The following KHDRBS2 variants were observed in gnomAD, a reference collection of about 807,000 sequenced individuals.
KHDRBS2 encodes KH RNA binding domain containing, signal transduction associated 2, also known as KH domain-containing, RNA-binding, signal transduction-associated protein 2.
A neutral mutation model predicts 44.3 loss-of-function variants in KHDRBS2; 26 were observed. That is an observed-to-expected ratio of 0.59 (90% CI 0.43 to 0.81). The LOEUF (loss-of-function observed/expected upper bound fraction) is 0.81, where lower values mean the gene tolerates loss of function less well. Among genes scored for constraint, KHDRBS2 ranks in the 40% least tolerant of loss-of-function variants. The pLI, the probability that KHDRBS2 is intolerant of heterozygous loss-of-function variation, is 0.00. For synonymous variants in KHDRBS2, 194 were observed against 151.1 expected (o/e 1.28, Z -2.08); for missense variants, 476 against 433.1 (o/e 1.10, Z -0.88).
At chr6:62,079,676 T>C (rs1294034533) in intron 2 of KHDRBS2, among the ~76,000 whole-genome samples, 2 of 151,994 alleles carry the variant, frequency 1.3e-5, no homozygotes, top group Non-Finnish European at 1.5e-5. Flanking sequence ...ACTTTGAAAA[T>C]ACAGAATTAT....
the KHDRBS2 span, among the ~76,000 whole-genome samples, chr6:61,559,801 A>ATTGGTTCATCT: frequency 2.6e-5 from 4 of 151,934 alleles, no homozygotes; most frequent in African/African-American, 9.7e-5. Flanking sequence ...TATTTTTTTG[A>ATTGGTTCATCT]TTGGTTCATC....
the KHDRBS2 span, among the ~76,000 whole-genome samples, chr6:61,647,372 A>G: frequency 6.6e-6 from 1 of 152,108 alleles, no homozygotes; most frequent in East Asian, 1.9e-4. Flanking sequence ...TCAAAAACAG[A>G]TATCGACAAG....
intron 1 of KHDRBS2, among the ~76,000 whole-genome samples, chr6:62,181,526 T>C (rs1339079061): frequency 1.3e-5 from 2 of 151,926 alleles, no homozygotes; most frequent in African/African-American, 4.8e-5. Flanking sequence ...ATGGCTATTA[T>C]TGAAAAAAGA....
At chr6:62,035,930 C>T (rs543597745) in intron 3 of KHDRBS2, among the ~76,000 whole-genome samples, 1 of 152,078 alleles carries the variant, frequency 6.6e-6, no homozygotes, top group African/African-American at 2.4e-5. Flanking sequence ...GACAAAAATT[C>T]TTCATTAGAT....
intron 1 of KHDRBS2, among the ~76,000 whole-genome samples, chr6:62,241,786 T>C (rs1338166305): frequency 2.0e-5 from 3 of 148,630 alleles, no homozygotes; most frequent in African/African-American, 7.9e-5. Context: ...ATCATAATTA[T>C]CCAGGATTCA....
chr6:61,985,216 A>G (rs1385619086), intron 3 of KHDRBS2, among the ~76,000 whole-genome samples: 1 of 152,172 alleles, frequency 6.6e-6, no homozygotes, highest in Non-Finnish European at 1.5e-5. Flanking sequence ...GAAAGGTCCT[A>G]AAGACTGGAA....
At chr6:62,243,451 C>A (rs1248648988) in intron 1 of KHDRBS2, among the ~76,000 whole-genome samples, 2 of 152,040 alleles carry the variant, frequency 1.3e-5, no homozygotes, top group Non-Finnish European at 2.9e-5. Context: ...AAAATGATCA[C>A]ACTGCTAGTC....
chr6:61,642,660 C>A, the KHDRBS2 span, among the ~76,000 whole-genome samples: 16 of 134,818 alleles, frequency 1.2e-4, no homozygotes, highest in East Asian at 2.2e-4. Context: ...GACTCCACAT[C>A]AAAAAAAAAA....
intron 2 of KHDRBS2, among the ~76,000 whole-genome samples, chr6:62,141,693 A>G (rs1160898276): frequency 1.3e-5 from 2 of 152,016 alleles, no homozygotes; most frequent in African/African-American, 4.8e-5. Context: ...TATATAGTAA[A>G]CATTTCTTCT....
At chr6:61,727,780 C>T (rs1773812828) in intron 7 of KHDRBS2, among the ~76,000 whole-genome samples, 3 of 151,452 alleles carry the variant, frequency 2.0e-5, no homozygotes, top group Admixed American at 2.0e-4. Flanking sequence ...AAAAAACATG[C>T]TCGTGAAGTT....
chr6:62,162,315 C>G (rs209009), intron 2 of KHDRBS2, among the ~76,000 whole-genome samples: 26,219 of 151,938 alleles, frequency 0.17, 2,579 homozygotes, highest in African/African-American at 0.27. Flanking sequence ...GGGAATGTGT[C>G]AATGTATTAC....
At chr6:61,826,420 C>G (rs1790867508) in intron 6 of KHDRBS2, among the ~76,000 whole-genome samples, 1 of 152,068 alleles carries the variant, frequency 6.6e-6, no homozygotes, top group South Asian at 2.1e-4. Flanking sequence ...ACAGTGGCTC[C>G]TGTCTGATAG....
intron 3 of KHDRBS2, among the ~76,000 whole-genome samples, chr6:61,979,398 T>A (rs901216418): frequency 6.6e-5 from 10 of 152,260 alleles, no homozygotes; most frequent in African/African-American, 2.4e-4. Context: ...ATGTAGAGAT[T>A]AGAGACATGA....
chr6:62,259,143 T>C (rs757769258), intron 1 of KHDRBS2, among the ~76,000 whole-genome samples: 12 of 152,036 alleles, frequency 7.9e-5, no homozygotes, highest in Non-Finnish European at 1.6e-4. Flanking sequence ...TTGTTTTTAA[T>C]AATATTTTTC....
rs143629971 is a variant in KHDRBS2 at position 61,863,111 on chromosome 6, C to T, written c.810+31524G>A. On this transcript the variant is annotated intron_variant, in intron 6 of 8. Coordinates refer to ENST00000281156, the MANE Select transcript of KHDRBS2 (RefSeq NM_152688.4). ...TATTCTCTGATGGTTGTTTGCATTC[C>T]TATGGGGTCAGTGACAATATCCCCC... is the stretch of plus-strand genomic sequence containing the variant. 3.3e-4 allele frequency among the ~76,000 whole-genome samples: 50 copies of T among 152,038 alleles called. 1 individual carries two copies. The East Asian group carries it at 9.3e-3, about 28-fold the overall frequency.
chr6:61,980,504 G>A (rs538628907), intron 3 of KHDRBS2, among the ~76,000 whole-genome samples: 2 of 152,248 alleles, frequency 1.3e-5, no homozygotes, highest in African/African-American at 2.4e-5. Context: ...TAAGTCTTAT[G>A]TTGCCTGGTC....
chr6:62,216,979 T>G (rs1380374146), intron 1 of KHDRBS2, among the ~76,000 whole-genome samples: 3 of 150,278 alleles, frequency 2.0e-5, no homozygotes, highest in Admixed American at 6.7e-5. Context: ...CTATAGAAAT[T>G]TCCTGGCCTG....
At chr6:62,218,665 C>A (rs1830405742) in intron 1 of KHDRBS2, among the ~76,000 whole-genome samples, 1 of 151,774 alleles carries the variant, frequency 6.6e-6, no homozygotes, top group Non-Finnish European at 1.5e-5. Context: ...CTAGCAATCT[C>A]AACATGGGGT....
intron 7 of KHDRBS2, among the ~76,000 whole-genome samples, chr6:61,711,566 A>G (rs1192427453): frequency 6.6e-6 from 1 of 151,896 alleles, no homozygotes; most frequent in Non-Finnish European, 1.5e-5. Context: ...TAACAAGTTT[A>G]ATAAAACACA....
Sources: gnomAD v4.1 joint callset for allele counts (sites outside exome capture counted in the v4.1 genomes callset) on GRCh38, gnomAD v4.1.1 for gene constraint, MANE v1.5 for transcripts, NCBI Gene and HGNC (gene_info 2026-07-23, HGNC 2026-07-21) for gene names.